NR4A3: variants seen among roughly 807,000 people sequenced by gnomAD.
NR4A3 encodes the protein chondrosarcoma, extraskeletal myxoid, fused to EWS.
Under a neutral mutation model 55.6 loss-of-function variants are expected in NR4A3, and 13 were observed. The observed-to-expected ratio is 0.23, with a 90% CI of 0.15 to 0.37. The LOEUF (loss-of-function observed/expected upper bound fraction) is 0.37. NR4A3 is among the 10% of genes least tolerant of loss of function. The pLI is 1.00. For missense variants in NR4A3, 646 were observed against 822.8 expected, an observed-to-expected ratio of 0.79 and a Z score of 2.63; for synonymous variants, 342 against 357.9, an observed-to-expected ratio of 0.96 and a Z score of 0.50.
chr9:99,828,619 T>C lies in NR4A3; in HGVS notation c.577T>C (p.Phe193Leu). ...CGGCGCGCGCTTCCCGCTCTTCCAC[T>C]TCAAGCCCTCGCCGCCGCATCCCCC... is the stretch of plus-strand genomic sequence containing the variant. ...VAGARFPLFH[F>L]KPSPPHPPAP... Residue 193 changes from phenylalanine (F) to leucine (L), a missense_variant, in exon 3 of 8, where the codon TTC (phenylalanine) becomes CTC (leucine). By Grantham distance (22) the Phe-to-Leu change is conservative. Coordinates refer to ENST00000395097, the MANE Select transcript of NR4A3 (RefSeq NM_006981.4). This position sits in a 1 kb window ranked among gnomAD's most constrained non-coding sequence, Gnocchi z 7.7. The C allele has an allele frequency of 1.3e-6, 2 of 1,497,910 alleles. No individual in the cohort carries two copies. Among genetic ancestry groups the C allele is most frequent in the Non-Finnish European group, 1.8e-6 (2 of 1,134,252 alleles). The allele number at this position is 1,497,910 out of a possible 1,614,324, so 92.8% of individuals were successfully genotyped here.
chr9:99,829,654 G>T (rs964516838), intron 3 of NR4A3, among the ~76,000 whole-genome samples: 2 of 152,158 alleles, frequency 1.3e-5, no homozygotes, highest in African/African-American at 4.8e-5. Flanking sequence ...CTAGGAGACA[G>T]GGACAACTGT....
intron 6 of NR4A3, among the ~76,000 whole-genome samples, chr9:99,846,166 C>T (rs191607086): frequency 2.0e-4 from 30 of 152,180 alleles, no homozygotes; most frequent in Admixed American, 9.8e-4. Flanking sequence ...ATACAACAGG[C>T]CAAGATAGAT....
chr9:99,858,964 T>C (rs1331695548), intron 7 of NR4A3, among the ~76,000 whole-genome samples: 3 of 152,206 alleles, frequency 2.0e-5, no homozygotes, highest in African/African-American at 4.8e-5. Flanking sequence ...GAGATTCTTG[T>C]CTTAGATAGA....
chr9:99,835,429 C>G (rs1267101956), intron 5 of NR4A3, among the ~76,000 whole-genome samples: 1 of 152,170 alleles, frequency 6.6e-6, no homozygotes, highest in Non-Finnish European at 1.5e-5. Flanking sequence ...GCTTCACTGC[C>G]TCTCTGGTTC....
chr9:99,832,889 T>C, intron 4 of NR4A3, 71 bp downstream of exon 4: 2 of 1,329,996 alleles, frequency 1.5e-6, no homozygotes, highest in Non-Finnish European at 2.0e-6. Context: ...AAAGCTAATA[T>C]TTACATTGGG....
rs568325980 is a variant in NR4A3, at chr9:99,849,405, G to A, written c.1633+1790G>A. ...CTAGACTTCCAAGAGAGCCATTAAC[G>A]AAACAAAAACCAAGGCAGTCTCAAA... On this transcript the variant is annotated intron_variant, in intron 7 of 7. Transcript: ENST00000395097. Among the ~76,000 whole-genome samples the A allele has an allele frequency of 4.0e-5, 6 of 151,776 alleles. No homozygotes were observed. The East Asian group carries it at 9.7e-4, about 25-fold the overall frequency.
chr9:99,828,560 T>G lies in NR4A3; in HGVS notation c.518T>G (p.Leu173Arg). Residue 173 changes from leucine to arginine, a missense_variant, in exon 3 of 8, where the codon CTG becomes CGG. Physicochemically the swap from Leu to Arg is moderately radical, Grantham distance 102. This residue lies in a region of NR4A3 where 426 missense variants were observed against 429.4 expected (regional missense o/e 0.99). Coordinates refer to ENST00000395097, the MANE Select transcript of NR4A3 (RefSeq NM_006981.4). The surrounding 1 kb of genome is among the most constrained non-coding windows in gnomAD (Gnocchi z 7.7). ...GGCTGCATCGCACCCGGCCCGCTGC[T>G]GGACCCGCCGATGAAGGCGGTCCCC... ...APGCIAPGPL[L>R]DPPMKAVPTV... 6.7e-7 allele frequency: 1 copy of G among 1,498,594 alleles called. No homozygotes were observed. The highest frequency in any genetic ancestry group is 8.9e-7 in the Non-Finnish European group (1 of 1,129,262). The allele number at this position is 1,498,594 out of a possible 1,614,324, so 92.8% of individuals were successfully genotyped here. A position where few individuals can be genotyped will look rare whatever the true frequency, so the allele number is the denominator to read the frequency against.
At chr9:99,833,199 T>G in intron 4 of NR4A3, 83 bp from the exon 5 acceptor site, 1 of 1,492,002 alleles carries the variant, frequency 6.7e-7, no homozygotes. Context: ...TCAACTGTAA[T>G]GTGTTTTTAT....
rs1478752438 is a variant in NR4A3 at position 99,866,219 on chromosome 9, G to A, written c.*2352G>A. The A allele has an allele frequency of 4.6e-6, 1 of 216,396 alleles. No individual in the cohort carries two copies. Among genetic ancestry groups the A allele is most frequent in the Non-Finnish European group, 9.3e-6 (1 of 107,328 alleles). The allele number at this position is 216,396 out of a possible 1,614,324, so 13.4% of individuals were successfully genotyped here. On this transcript the variant is annotated 3_prime_UTR_variant, in exon 8 of 8. Transcript: ENST00000395097. ...GATAGCTTCAGACCAAATTCAAATT[G>A]AATTTGAATAAATTAGAAATACTGT...
chr9:99,866,135 G>C lies in NR4A3; in HGVS notation c.*2268G>C. 1 of 210,930 alleles carries C rather than the reference G, an allele frequency of 4.7e-6. No homozygotes were observed. The allele number at this position is 210,930 out of a possible 1,614,324, so 13.1% of individuals were successfully genotyped here. ...GTATACTTTTGCATTAATTTTTTGA[G>C]CTTATATGCAAACATAATAAATATT... On this transcript the variant is annotated 3_prime_UTR_variant, in exon 8 of 8. Transcript: ENST00000395097.
At chr9:99,846,688 C>A (rs1465194560) in intron 6 of NR4A3, among the ~76,000 whole-genome samples, 6 of 152,186 alleles carry the variant, frequency 3.9e-5, no homozygotes, top group Non-Finnish European at 1.5e-5. Flanking sequence ...CACTCTGTCA[C>A]CCAGGCTGGA....
intron 5 of NR4A3, among the ~76,000 whole-genome samples, chr9:99,834,349 CAATG>C (rs1247282077): frequency 2.6e-5 from 4 of 151,868 alleles, no homozygotes; most frequent in African/African-American, 9.7e-5. Context: ...AACAGGGTCT[CAATG>C]AAGAGGGAAG....
Position 99,864,838 on chromosome 9 carries a change from A to G in NR4A3, c.*971A>G, listed in dbSNP as rs573667556. Reference sequence around the variant, plus strand: ...CAGAAGCGCCATAAGTCAGTTGAGTATTTGATCCCTAGATAAGAACATGCA... The same window carrying G: ...CAGAAGCGCCATAAGTCAGTTGAGTGTTTGATCCCTAGATAAGAACATGCA... On this transcript the variant is annotated 3_prime_UTR_variant, in exon 8 of 8. Coordinates refer to ENST00000395097, the MANE Select transcript of NR4A3 (RefSeq NM_006981.4). 1 of 220,982 alleles carries G rather than the reference A, an allele frequency of 4.5e-6. No homozygotes were observed. The highest frequency in any genetic ancestry group is 5.8e-5 in the Admixed American group (1 of 17,346). 13.7% of individuals were successfully genotyped at this position (220,982 alleles called of 1,614,324 possible).
At chr9:99,858,125 T>C (rs1051762014) in intron 7 of NR4A3, among the ~76,000 whole-genome samples, 2 of 152,158 alleles carry the variant, frequency 1.3e-5, no homozygotes, top group Non-Finnish European at 2.9e-5. Context: ...CTATCTGACT[T>C]CAAACTGTTG....
rs1044616688 is a variant in NR4A3, at chr9:99,866,071, A to G, written c.*2204A>G. The G allele has an allele frequency of 9.3e-6, 2 of 214,132 alleles. No individual in the cohort carries two copies. Among genetic ancestry groups the G allele is most frequent in the African/African-American group, 4.5e-5 (2 of 44,358 alleles). The allele number at this position is 214,132 out of a possible 1,614,324, so 13.3% of individuals were successfully genotyped here. On this transcript the variant is annotated 3_prime_UTR_variant, in exon 8 of 8. Coordinates refer to ENST00000395097, the MANE Select transcript of NR4A3 (RefSeq NM_006981.4). ...TCTATATAAAATCAGGCTTTTAAAC[A>G]TAACCACTAATATTTACCTGAAGAT...
intron 7 of NR4A3, among the ~76,000 whole-genome samples, chr9:99,851,665 G>C (rs1006994953): frequency 1.3e-5 from 2 of 152,082 alleles, no homozygotes; most frequent in Non-Finnish European, 2.9e-5. Context: ...CAGTAAACAG[G>C]GGGTTCCCCA....
At chr9:99,856,683 C>T (rs1050071833) in intron 7 of NR4A3, among the ~76,000 whole-genome samples, 10 of 152,228 alleles carry the variant, frequency 6.6e-5, no homozygotes, top group Non-Finnish European at 1.5e-4. Context: ...GGTGTGGACT[C>T]AGTCAAGCAT....
At chr9:99,859,033 TAA>T (rs1264387360) in intron 7 of NR4A3, among the ~76,000 whole-genome samples, 1 of 152,242 alleles carries the variant, frequency 6.6e-6, no homozygotes, top group African/African-American at 2.4e-5. Context: ...TTATGACACA[TAA>T]GTCTATTACT....
At chr9:99,823,413 T>C (rs1165018715) in intron 1 of NR4A3, among the ~76,000 whole-genome samples, 1 of 152,088 alleles carries the variant, frequency 6.6e-6, no homozygotes, top group African/African-American at 2.4e-5. Flanking sequence ...CTTTTATTTA[T>C]TTATGCGTCC....
Sources: allele counts gnomAD v4.1 joint callset (sites outside exome capture counted in the v4.1 genomes callset), GRCh38; gene constraint gnomAD v4.1.1; regional missense constraint gnomAD v4.1.1; non-coding constraint Gnocchi (gnomAD v3.1); transcripts MANE v1.5; gene names NCBI Gene and HGNC (gene_info 2026-07-23, HGNC 2026-07-21).